The following KCNIP4 variants were observed in gnomAD, a reference collection of about 807,000 sequenced individuals.
The protein encoded by KCNIP4 is Kv channel-interacting protein 4.
Under a neutral mutation model 34.0 loss-of-function variants are expected in KCNIP4, and 12 were observed. The ratio of observed to expected loss-of-function variants is 0.35; its 90% CI spans 0.23 to 0.57. KCNIP4 has a LOEUF of 0.57. Ranked by LOEUF, KCNIP4 falls within the 20% of genes least tolerant of loss-of-function variation. The pLI is 0.83. For synonymous variants in KCNIP4, 124 were observed against 102.2 expected (o/e 1.21, Z -1.29); for missense variants, 238 against 311.7 (o/e 0.76, Z 1.78).
intron 1 of KCNIP4, among the ~76,000 whole-genome samples, chr4:21,388,133 A>AGATTTCAGGTGTGCT (rs1162617536): frequency 2.7e-4 from 41 of 152,312 alleles, no homozygotes; most frequent in Non-Finnish European, 2.2e-4. Context: ...GTGTGCTGAA[A>AGATTTCAGGTGTGCT]GAAAGAATGA....
At chr4:20,865,903 C>T (rs76002599) in intron 2 of KCNIP4, among the ~76,000 whole-genome samples, 16,986 of 152,090 alleles carry the variant, frequency 0.11, 1,292 homozygotes, top group Non-Finnish European at 0.16. Context: ...TGCTTGACTA[C>T]AGTAAGTGTT....
At chr4:21,839,079 A>G (rs1199805626) in intron 1 of KCNIP4, among the ~76,000 whole-genome samples, 1 of 152,188 alleles carries the variant, frequency 6.6e-6, no homozygotes, top group Non-Finnish European at 1.5e-5. Flanking sequence ...AAGTTTGATC[A>G]AGATAAACAC....
chr4:21,832,050 G>A (rs1452668625), intron 1 of KCNIP4, among the ~76,000 whole-genome samples: 2 of 151,972 alleles, frequency 1.3e-5, no homozygotes. Context: ...TCACAATCAA[G>A]TAAAATTTAT....
At chr4:21,470,756 A>G (rs1015338916) in intron 1 of KCNIP4, among the ~76,000 whole-genome samples, 6 of 152,118 alleles carry the variant, frequency 3.9e-5, no homozygotes, top group Non-Finnish European at 7.4e-5. Flanking sequence ...CCACAGGGAG[A>G]AGCAGTTAGT....
At chr4:21,889,185 CTT>C (rs1289457886) in intron 1 of KCNIP4, among the ~76,000 whole-genome samples, 8 of 152,054 alleles carry the variant, frequency 5.3e-5, no homozygotes, top group Middle Eastern at 3.2e-3. Flanking sequence ...GATAGTGACA[CTT>C]TTGCTTTTCC....
At chr4:20,841,991 G>T (rs1425335292) in intron 3 of KCNIP4, among the ~76,000 whole-genome samples, 1 of 151,984 alleles carries the variant, frequency 6.6e-6, no homozygotes, top group African/African-American at 2.4e-5. Flanking sequence ...CCGCCCCATC[G>T]AAAGAAGCTC....
At chr4:21,586,695 A>G (rs1741645680) in intron 1 of KCNIP4, among the ~76,000 whole-genome samples, 1 of 152,092 alleles carries the variant, frequency 6.6e-6, no homozygotes, top group South Asian at 2.1e-4. Context: ...TGCATTAGTC[A>G]CTTGTCAAAA....
chr4:21,499,763 G>T (rs1358423314), intron 1 of KCNIP4, among the ~76,000 whole-genome samples: 1 of 152,082 alleles, frequency 6.6e-6, no homozygotes, highest in East Asian at 1.9e-4. Context: ...CAATTACACA[G>T]TCACTTTGAA....
At chr4:21,523,612 C>A (rs1339876741) in intron 1 of KCNIP4, among the ~76,000 whole-genome samples, 5 of 151,940 alleles carry the variant, frequency 3.3e-5, no homozygotes, top group Non-Finnish European at 5.9e-5. Flanking sequence ...GTCTCTATCA[C>A]CCAGGTTGGA....
intron 3 of KCNIP4, among the ~76,000 whole-genome samples, chr4:20,793,024 T>TA (rs1317384899): frequency 6.6e-6 from 1 of 152,118 alleles, no homozygotes; most frequent in Non-Finnish European, 1.5e-5. Context: ...CTTAAAAAGT[T>TA]AAAAAATATA....
intron 1 of KCNIP4, among the ~76,000 whole-genome samples, chr4:21,241,507 G>A (rs898314886): frequency 2.6e-5 from 4 of 152,106 alleles, no homozygotes; most frequent in African/African-American, 9.7e-5. Flanking sequence ...GGCAAGAGAT[G>A]GAAACATAGA....
At chr4:21,846,899 T>G (rs1311094409) in intron 1 of KCNIP4, 1 of 152,188 alleles carries the variant, frequency 6.6e-6, no homozygotes. Context: ...ACTGGCCCAG[T>G]GCAAAGCATA....
chr4:21,406,298 G>A (rs536572238), intron 1 of KCNIP4, among the ~76,000 whole-genome samples: 3 of 152,270 alleles, frequency 2.0e-5, no homozygotes, highest in East Asian at 3.9e-4. Context: ...CTCTTTAAAA[G>A]AGAGGCATTA....
intron 1 of KCNIP4, among the ~76,000 whole-genome samples, chr4:21,130,443 A>G (rs1327119501): frequency 6.6e-6 from 1 of 152,228 alleles, no homozygotes; most frequent in Non-Finnish European, 1.5e-5. Context: ...TAGTTCCAAG[A>G]AACGTCATCA....
intron 1 of KCNIP4, among the ~76,000 whole-genome samples, chr4:21,747,748 T>C (rs1486157156): frequency 6.6e-6 from 1 of 152,066 alleles, no homozygotes; most frequent in East Asian, 1.9e-4. Context: ...TTGCATAGTG[T>C]CTCACCAAAA....
At chr4:20,794,563 C>T (rs1713199547) in intron 3 of KCNIP4, among the ~76,000 whole-genome samples, 1 of 152,162 alleles carries the variant, frequency 6.6e-6, no homozygotes, top group Admixed American at 6.5e-5. Flanking sequence ...TGGATGCAAA[C>T]TTTGGATATT....
intron 1 of KCNIP4, among the ~76,000 whole-genome samples, chr4:21,827,020 G>A (rs762179180): frequency 1.3e-5 from 2 of 152,054 alleles, no homozygotes; most frequent in Non-Finnish European, 2.9e-5. Flanking sequence ...AATAAATGAT[G>A]TGTAGAGTTA....
chr4:20,847,281 G>A (rs1322505037), intron 3 of KCNIP4, among the ~76,000 whole-genome samples: 1 of 152,142 alleles, frequency 6.6e-6, no homozygotes, highest in African/African-American at 2.4e-5. Flanking sequence ...TGAGTAACAT[G>A]ACCTGAGGCT....
At chr4:21,131,244 T>G (rs747861174) in intron 1 of KCNIP4, among the ~76,000 whole-genome samples, 1 of 152,144 alleles carries the variant, frequency 6.6e-6, no homozygotes, top group Non-Finnish European at 1.5e-5. Flanking sequence ...TATAAACGCA[T>G]GCAATGATGT....
Sources: gnomAD v4.1 joint callset for allele counts (sites outside exome capture counted in the v4.1 genomes callset) on GRCh38, gnomAD v4.1.1 for gene constraint, MANE v1.5 for transcripts, NCBI Gene and HGNC (gene_info 2026-07-23, HGNC 2026-07-21) for gene names.